The following PSD3 variants were observed in gnomAD, a reference collection of about 807,000 sequenced individuals.
PSD3 encodes the protein PH and SEC7 domain-containing protein 3.
Under a neutral mutation model 105.5 loss-of-function variants are expected in PSD3, and 49 were observed. The observed-to-expected ratio is 0.46, with a 90% CI of 0.37 to 0.59. The LOEUF (loss-of-function observed/expected upper bound fraction) is 0.59, where lower values mean the gene tolerates loss of function less well. PSD3 is among the 20% of genes least tolerant of loss of function. The pLI, the probability that PSD3 is intolerant of heterozygous loss-of-function variation, is 0.00. For missense variants in PSD3, 1,561 were observed against 1,263.8 expected, an observed-to-expected ratio of 1.24 and a Z score of -3.57; for synonymous variants, 557 against 457.8, an observed-to-expected ratio of 1.22 and a Z score of -2.77.
chr8:18,981,227 G>T (rs936135865), intron 1 of PSD3, among the ~76,000 whole-genome samples: 1 of 152,118 alleles, frequency 6.6e-6, no homozygotes, highest in Non-Finnish European at 1.5e-5. Flanking sequence ...ATGAACAGAT[G>T]AATGAAATAT....
intron 9 of PSD3, among the ~76,000 whole-genome samples, chr8:18,729,712 C>A (rs966332182): frequency 3.3e-5 from 5 of 152,190 alleles, no homozygotes; most frequent in Non-Finnish European, 7.3e-5. Flanking sequence ...AGCTTGCACT[C>A]TCTCTGGGCC....
chr8:18,572,904 G>C (rs567136559), intron 13 of PSD3, among the ~76,000 whole-genome samples: 71 of 152,012 alleles, frequency 4.7e-4, no homozygotes, highest in African/African-American at 1.6e-3. Context: ...GAAACAGAAG[G>C]GAAAAAAGAG....
chr8:18,611,757 T>C (rs1805283521), intron 11 of PSD3, among the ~76,000 whole-genome samples: 5 of 138,786 alleles, frequency 3.6e-5, no homozygotes. Context: ...GGAATGTGAT[T>C]AAGGGACCTG....
At chr8:19,023,415 A>G (rs1827428400) in intron 1 of PSD3, among the ~76,000 whole-genome samples, 1 of 145,432 alleles carries the variant, frequency 6.9e-6, no homozygotes, top group South Asian at 2.2e-4. Context: ...TTATTTATTT[A>G]TTTATTTATT....
In PSD3 at chr8:18,819,724, G is replaced by A. The variant is rs112221698; in HGVS notation, c.1635-14826C>T. ...CTCCTGAGTAGCTAGGACTGCAGGC[G>A]CCCACCACCACGCCCAGCTAATTTT... On this transcript the variant is annotated intron_variant, in intron 4 of 15. Coordinates refer to ENST00000327040, the MANE Select transcript of PSD3 (RefSeq NM_015310.4). Among the ~76,000 whole-genome samples the A allele has an allele frequency of 1.8e-3, 273 of 151,972 alleles. 2 individuals are homozygous for A. Among genetic ancestry groups the A allele is most frequent in the African/African-American group, 6.2e-3 (258 of 41,458 alleles).
chr8:19,026,721 A>AAG (rs1214753638), intron 1 of PSD3, among the ~76,000 whole-genome samples: 2 of 149,310 alleles, frequency 1.3e-5, no homozygotes, highest in African/African-American at 2.5e-5. Context: ...AAAAAAAAAA[A>AAG]AAATGCCAGG....
At chr8:18,870,192 CA>C (rs984793956) in intron 3 of PSD3, among the ~76,000 whole-genome samples, 1 of 151,358 alleles carries the variant, frequency 6.6e-6, no homozygotes, top group Non-Finnish European at 1.5e-5. Context: ...TTACACCGAA[CA>C]AAAAAACAAA....
At chr8:18,799,008 A>AT (rs1029127962) in intron 8 of PSD3, 1 of 311,904 alleles carries the variant, frequency 3.2e-6, no homozygotes, top group African/African-American at 2.2e-5. Context: ...GAAAACAAAA[A>AT]TAAGTAAAAG....
intron 9 of PSD3, among the ~76,000 whole-genome samples, chr8:18,667,109 G>A (rs1799516076): frequency 6.6e-6 from 1 of 152,078 alleles, no homozygotes; most frequent in Non-Finnish European, 1.5e-5. Flanking sequence ...AGTGTGGAAG[G>A]GGACCCCAGC....
chr8:18,990,313 C>T (rs1258893282), intron 1 of PSD3, among the ~76,000 whole-genome samples: 1 of 152,238 alleles, frequency 6.6e-6, no homozygotes, highest in East Asian at 1.9e-4. Flanking sequence ...CTGGCCCTAG[C>T]TTATCTTTGC....
intron 15 of PSD3, 116 bp downstream of exon 15, chr8:18,556,093 G>A (rs75481591): frequency 0.032 from 40,857 of 1,272,424 alleles, 2,380 homozygotes; most frequent in African/African-American, 0.19. Flanking sequence ...TCCCAAATTA[G>A]AGCCAGGGGC....
rs1379989188 is a variant in PSD3 at position 18,889,119 on chromosome 8, T to C, written c.131-16386A>G. Among the ~76,000 whole-genome samples, 6 of 152,236 alleles carry C rather than the reference T, an allele frequency of 3.9e-5. No individual in the cohort carries two copies. In the East Asian group the frequency reaches 7.7e-4, roughly 20 times the overall value. On this transcript the variant is annotated intron_variant, in intron 2 of 15. Transcript: ENST00000327040. ...TTAACACTTACTTTGACTAACCCCC[T>C]AAAACACCATTTCAAAACGTAAAGC...
intron 1 of PSD3, among the ~76,000 whole-genome samples, chr8:19,053,393 A>G (rs903923551): frequency 1.1e-4 from 17 of 152,220 alleles, no homozygotes; most frequent in African/African-American, 3.4e-4. Context: ...ACAGGAGAGA[A>G]TGCTGGGACA....
rs776723424 is a variant in PSD3, at chr8:18,535,771, G to A, written c.3116C>T (p.Thr1039Ile). 4 of 1,613,836 alleles carry A rather than the reference G, an allele frequency of 2.5e-6. No individual in the cohort carries two copies. The highest frequency in any genetic ancestry group is 3.4e-6 in the Non-Finnish European group (4 of 1,179,812). ...VSERKDHRPE[T>I]PSIKQKVT Reference sequence around the variant, plus strand: ...AGTAACTTTTTGCTTAATGCTTGGTGTTTCAGGTCGGTGATCCTTCCTCTC... The same window carrying A: ...AGTAACTTTTTGCTTAATGCTTGGTATTTCAGGTCGGTGATCCTTCCTCTC... Residue 1039 changes from threonine to isoleucine, a missense_variant, in exon 16 of 16, where the codon ACA becomes ATA. By Grantham distance (89) the Thr-to-Ile change is moderately conservative. Transcript: ENST00000327040.
intron 8 of PSD3, among the ~76,000 whole-genome samples, chr8:18,765,908 C>T (rs1806949239): frequency 6.6e-6 from 1 of 150,758 alleles, no homozygotes. Flanking sequence ...GCAGAGGTTG[C>T]AGCGAGCGGA....
At chr8:19,079,610 T>C (rs1295986876) in intron 1 of PSD3, among the ~76,000 whole-genome samples, 1 of 152,222 alleles carries the variant, frequency 6.6e-6, no homozygotes, top group Non-Finnish European at 1.5e-5. Context: ...GGGGGTTAAG[T>C]AGACCAGGGA....
chr8:18,957,816 T>C (rs974251923), intron 1 of PSD3, among the ~76,000 whole-genome samples: 1 of 152,070 alleles, frequency 6.6e-6, no homozygotes, highest in Non-Finnish European at 1.5e-5. Context: ...CACTTGTGGG[T>C]GGGGTGAAGT....
chr8:18,881,672 G>A (rs751535861), intron 2 of PSD3, among the ~76,000 whole-genome samples: 4 of 152,000 alleles, frequency 2.6e-5, no homozygotes, highest in South Asian at 2.1e-4. Flanking sequence ...CCACAGTTAC[G>A]GATTCTACAC....
intron 1 of PSD3, among the ~76,000 whole-genome samples, chr8:18,975,244 GAAAAAT>G (rs1293044448): frequency 6.7e-6 from 1 of 149,918 alleles, no homozygotes; most frequent in African/African-American, 2.5e-5. Context: ...AATAGTTGCA[GAAAAAT>G]AAAAATAAAA....
Sources: gnomAD v4.1 joint callset for allele counts (sites outside exome capture counted in the v4.1 genomes callset) on GRCh38, gnomAD v4.1.1 for gene constraint, MANE v1.5 for transcripts, NCBI Gene and HGNC (gene_info 2026-07-23, HGNC 2026-07-21) for gene names.